NLRP14: variants seen among roughly 807,000 people sequenced by gnomAD.
The protein encoded by NLRP14 is NACHT, LRR and PYD domains-containing protein 14.
In NLRP14, 105 loss-of-function variants were observed where a neutral mutation model predicts 94.7. That is an observed-to-expected ratio of 1.11 (90% CI 0.95 to 1.30). The LOEUF is 1.30. Ranked by LOEUF, NLRP14 falls within the 50% of genes most tolerant of loss-of-function variation. The probability of loss-of-function intolerance (pLI) is 0.00; values close to 1 mark genes in which losing one functional copy is unlikely to be tolerated. For synonymous variants in NLRP14, 508 were observed against 459.9 expected (o/e 1.10, Z -1.34); for missense variants, 1,362 against 1,254.1 (o/e 1.09, Z -1.30).
chr11:7,089,899 G>A, the NLRP14 span: 9 of 1,612,826 alleles, frequency 5.6e-6, no homozygotes, highest in Admixed American at 1.3e-4. Context: ...TACAGCGACC[G>A]AGACGGCTAC....
intron 6 of NLRP14, among the ~76,000 whole-genome samples, chr11:7,057,328 G>T (rs1000928670): frequency 6.6e-6 from 1 of 152,022 alleles, no homozygotes; most frequent in East Asian, 1.9e-4. Flanking sequence ...AGAAGTCAGA[G>T]TGTAGAATAC....
the NLRP14 span, among the ~76,000 whole-genome samples, chr11:7,088,799 C>G: frequency 6.6e-6 from 1 of 152,172 alleles, no homozygotes; most frequent in South Asian, 2.1e-4. Context: ...AAATTTTTTT[C>G]CACCTAACGG....
chr11:7,020,941 C>A (rs563577123), intron 1 of NLRP14, among the ~76,000 whole-genome samples, 171 bp downstream of exon 1: 97 of 152,312 alleles, frequency 6.4e-4, no homozygotes, highest in African/African-American at 2.2e-3. Flanking sequence ...AGAAGGAGCC[C>A]CTCCTCAGTG....
intron 9 of NLRP14, among the ~76,000 whole-genome samples, chr11:7,060,942 T>C (rs193231215): frequency 2.0e-5 from 3 of 152,194 alleles, no homozygotes; most frequent in Admixed American, 2.0e-4. Flanking sequence ...TAGTATTTCA[T>C]TGCATAAATA....
Position 7,039,767 on chromosome 11 carries a change from G to C in NLRP14, c.343G>C (p.Asp115His), listed in dbSNP as rs138165313. 446 of 1,613,904 alleles carry C rather than the reference G, an allele frequency of 2.8e-4. No individual in the cohort carries two copies. Among genetic ancestry groups the C allele is most frequent in the South Asian group, 4.8e-4 (44 of 91,074 alleles). ...TGCCAAGGCTGGAGAGACACAAGAA[G>C]ATCAGGAGGCAGTGCTGGGTGAGTA... ...DDAKAGETQE[D>H]QEAVLGDGTE... The change falls in exon 3 of 12, where the codon GAT (aspartate) becomes CAT (histidine). Residue 115 changes from aspartate to histidine, a missense_variant. Asp to His is a moderately conservative substitution (Grantham distance 81). Transcript: ENST00000299481.
chr11:7,076,285 T>C (rs1852873019), downstream of NLRP14, among the ~76,000 whole-genome samples: 1 of 152,202 alleles, frequency 6.6e-6, no homozygotes, highest in African/African-American at 2.4e-5. Context: ...CAATTTTAAA[T>C]AGAGTCAAGT....
Position 7,039,614 on chromosome 11 carries a change from G to GAATT in NLRP14, c.290-99_290-96dup, listed in dbSNP as rs1450804642. 3 of 945,532 alleles carry GAATT rather than the reference G, an allele frequency of 3.2e-6. No individual in the cohort carries two copies. The African/African-American group carries it at 4.8e-5, about 15-fold the overall frequency. The allele number at this position is 945,532 out of a possible 1,614,324, so 58.6% of individuals were successfully genotyped here. A position where few individuals can be genotyped will look rare whatever the true frequency, so the allele number is the denominator to read the frequency against. On this transcript the variant is annotated intron_variant, in intron 2 of 11. Coordinates refer to ENST00000299481, the MANE Select transcript of NLRP14 (RefSeq NM_176822.4). The stretch of plus-strand genomic sequence containing the variant: ...GTTTTCTTAAACCCAGATAGTCATA[G>GAATT]AATTGGACCACTTATGTGAATGCTG...
In NLRP14 at chr11:7,070,480, G is replaced by C. The variant is rs199475890; in HGVS notation, c.3146+24G>C. The C allele has an allele frequency of 1.6e-4, 260 of 1,577,220 alleles. 3 individuals carry two copies. The East Asian group carries it at 2.7e-3, about 16-fold the overall frequency. The stretch of plus-strand genomic sequence containing the variant: ...GGGTAAGTCTCCATTGGCTTCTCAG[G>C]GGGAGCATTTCCTATAATGAGGGAT... On this transcript the variant is annotated intron_variant, in intron 11 of 11. Coordinates refer to ENST00000299481, the MANE Select transcript of NLRP14 (RefSeq NM_176822.4).
the NLRP14 span, among the ~76,000 whole-genome samples, chr11:7,084,256 T>C: frequency 6.6e-6 from 1 of 152,226 alleles, no homozygotes; most frequent in Non-Finnish European, 1.5e-5. Flanking sequence ...GCTCCTCCAG[T>C]AGTGTATTCC....
At chr11:7,062,540 A>T (rs866222863) in intron 10 of NLRP14, 37 bp downstream of exon 10, 2 of 1,570,282 alleles carry the variant, frequency 1.3e-6, no homozygotes, top group East Asian at 4.5e-5. Context: ...AATGATGCCT[A>T]TTTGGTAGCT....
At position 7,043,219 on chromosome 11, in the gene NLRP14, C is replaced by A. The variant is rs1207501906; in HGVS notation, c.1193C>A (p.Ala398Asp). The change falls in exon 4 of 12, where the codon GCT becomes GAT. Residue 398 changes from alanine (A) to aspartate (D), a missense_variant. Physicochemically the swap from Ala to Asp is moderately radical, Grantham distance 126. Transcript: ENST00000299481. ...ACATTGACCTGCCAAACAACCACAG[C>A]TCTGTTTACCTGCTATATTTCTAGC... ...DVTLTCQTTT[A>D]LFTCYISSLF... 6.2e-7 allele frequency: 1 copy of A among 1,614,046 alleles called. No individual in the cohort carries two copies. The highest frequency in any genetic ancestry group is 8.5e-7 in the Non-Finnish European group (1 of 1,180,042).
At chr11:7,048,882 C>T (rs1431318464) in intron 5 of NLRP14, among the ~76,000 whole-genome samples, 1 of 151,992 alleles carries the variant, frequency 6.6e-6, no homozygotes, top group East Asian at 1.9e-4. Flanking sequence ...GTCCCTTTTT[C>T]CTAATAAGTG....
At position 7,043,270 on chromosome 11, in the gene NLRP14, C is replaced by T. The variant is rs756447155; in HGVS notation, c.1244C>T (p.Ser415Phe). Reference sequence around the variant, plus strand: ...TTGTTCACACCAGTAGATGGAGGCTCTCCTAGTCTACCCAACCAAGCCCAG... The same window carrying T: ...TTGTTCACACCAGTAGATGGAGGCTTTCCTAGTCTACCCAACCAAGCCCAG... ...SSLFTPVDGGSPSLPNQAQLR... is the reference protein window; with the variant it reads ...SSLFTPVDGGFPSLPNQAQLR... The change falls in exon 4 of 12, where the codon TCT becomes TTT. Residue 415 changes from serine to phenylalanine, a missense_variant. Coordinates refer to ENST00000299481, the MANE Select transcript of NLRP14 (RefSeq NM_176822.4). 2 of 1,614,206 alleles carry T rather than the reference C, an allele frequency of 1.2e-6. No individual in the cohort carries two copies. Among genetic ancestry groups the T allele is most frequent in the Non-Finnish European group, 1.7e-6 (2 of 1,180,032 alleles).
At chr11:7,089,633 C>G in the NLRP14 span, 1 of 1,283,664 alleles carries the variant, frequency 7.8e-7, no homozygotes, top group Non-Finnish European at 9.8e-7. Flanking sequence ...GCCCGGCTCG[C>G]AGCAGCGGCG....
rs1179987877 is a variant in NLRP14 at position 7,058,427 on chromosome 11, A to T, written c.2610A>T (p.Ala870=). Residue 870 remains alanine, a synonymous_variant, in exon 8 of 12, where the codon GCA becomes GCT. Transcript: ENST00000299481. The part of the protein sequence containing the change: ...VKLMSDALQH[A]QCTLKSLVLR... Reference sequence around the variant, plus strand: ...TTATGAGTGATGCCCTGCAACATGCACAATGTACTCTGAAGAGCCTTGTGT... The same window carrying T: ...TTATGAGTGATGCCCTGCAACATGCTCAATGTACTCTGAAGAGCCTTGTGT... The T allele has an allele frequency of 6.2e-7, 1 of 1,612,462 alleles. No individual in the cohort carries two copies. Among genetic ancestry groups the T allele is most frequent in the Admixed American group, 1.7e-5 (1 of 59,932 alleles).
At chr11:7,075,686 G>A (rs558876802), downstream of NLRP14, among the ~76,000 whole-genome samples, 149 of 152,264 alleles carry the variant, frequency 9.8e-4, no homozygotes, top group African/African-American at 3.4e-3. Context: ...CAGTCATTTT[G>A]AGGGAATATA....
chr11:7,063,956 C>T (rs1417349348), intron 10 of NLRP14, among the ~76,000 whole-genome samples: 1 of 152,038 alleles, frequency 6.6e-6, no homozygotes, highest in African/African-American at 2.4e-5. Context: ...AAGCAGCCCT[C>T]CTCCCCAGTA....
chr11:7,050,426 A>T (rs905121959), intron 6 of NLRP14, among the ~76,000 whole-genome samples: 2 of 152,040 alleles, frequency 1.3e-5, no homozygotes, highest in Non-Finnish European at 2.9e-5. Flanking sequence ...TAGCAGTCAT[A>T]CTGTTCTCCA....
chr11:7,039,565 G>C, intron 2 of NLRP14, 149 bp from the exon 3 acceptor site: 1 of 740,304 alleles, frequency 1.4e-6, no homozygotes, highest in South Asian at 1.5e-5. Context: ...TAAGCTTATG[G>C]AGTCTGAGGC....
Sources: allele counts gnomAD v4.1 joint callset (sites outside exome capture counted in the v4.1 genomes callset), GRCh38; gene constraint gnomAD v4.1.1; transcripts MANE v1.5; gene names NCBI Gene and HGNC (gene_info 2026-07-23, HGNC 2026-07-21).